TECRL: variants seen among roughly 807,000 people sequenced by gnomAD.
TECRL encodes trans-2,3-enoyl-CoA reductase like.
Under a neutral mutation model 52.8 loss-of-function variants are expected in TECRL, and 63 were observed. The observed-to-expected ratio is 1.19, with a 90% confidence interval of 0.97 to 1.47. The LOEUF (loss-of-function observed/expected upper bound fraction) is 1.47, where lower values mean the gene tolerates loss of function less well. TECRL is among the 40% of genes most tolerant of loss of function. TECRL has a pLI of 0.00. For synonymous variants in TECRL, 164 were observed against 141.9 expected (o/e 1.16, Z -1.10); for missense variants, 482 against 429.6 (o/e 1.12, Z -1.08).
chr4:64,280,946 T>G, intron 11 of TECRL, 95 bp downstream of exon 11: 2 of 775,990 alleles, frequency 2.6e-6, no homozygotes, highest in Non-Finnish European at 4.1e-6. Flanking sequence ...TTTACAATCA[T>G]GCTATACTTT....
chr4:64,302,811 T>G (rs149266548), intron 7 of TECRL, among the ~76,000 whole-genome samples: 1 of 151,432 alleles, frequency 6.6e-6, no homozygotes. Context: ...CTTCCTTAAA[T>G]ATGATTATTT....
chr4:64,388,770 A>C (rs1723350324), intron 1 of TECRL, among the ~76,000 whole-genome samples: 1 of 151,906 alleles, frequency 6.6e-6, no homozygotes, highest in Admixed American at 6.6e-5. Flanking sequence ...TAAGTATTTT[A>C]ATTTTTATTA....
rs1479750964 is a variant in TECRL at position 64,300,020 on chromosome 4, G to A, written c.731-3C>T. The A allele has an allele frequency of 6.4e-7, 1 of 1,569,990 alleles. No homozygotes were observed. The highest frequency in any genetic ancestry group is 8.7e-7 in the Non-Finnish European group (1 of 1,154,468). The stretch of plus-strand genomic sequence containing the variant: ...TGTGATTTGCCTGTTTCCAAATGCT[G>A]GAGAGTAGAAAAAGAATATGTCATG... On this transcript the variant is annotated splice_polypyrimidine_tract_variant and splice_region_variant and intron_variant, in intron 7 of 11. Coordinates refer to ENST00000381210, the MANE Select transcript of TECRL (RefSeq NM_001010874.5).
chr4:64,320,921 T>A (rs777102062), intron 4 of TECRL, among the ~76,000 whole-genome samples: 4 of 152,100 alleles, frequency 2.6e-5, no homozygotes, highest in Non-Finnish European at 5.9e-5. Flanking sequence ...ACTCAATCTT[T>A]AGTGGTACAA....
chr4:64,311,535 G>A (rs1296829330), intron 5 of TECRL, among the ~76,000 whole-genome samples: 1 of 152,080 alleles, frequency 6.6e-6, no homozygotes, highest in Admixed American at 6.6e-5. Context: ...TTATAAAAAA[G>A]CAGCAATGTA....
At chr4:64,378,623 G>A (rs1192551458) in intron 1 of TECRL, among the ~76,000 whole-genome samples, 2 of 152,052 alleles carry the variant, frequency 1.3e-5, no homozygotes, top group Non-Finnish European at 2.9e-5. Context: ...GTAACCTTCA[G>A]ATTGCTCAGA....
chr4:64,358,088 T>C (rs1720903488), intron 2 of TECRL, among the ~76,000 whole-genome samples: 1 of 92,898 alleles, frequency 1.1e-5, no homozygotes, highest in Admixed American at 1.5e-4. Flanking sequence ...GAATATCCAG[T>C]ATTATTGAAA....
At chr4:64,393,039 T>C (rs77372237) in intron 1 of TECRL, among the ~76,000 whole-genome samples, 2,972 of 152,042 alleles carry the variant, frequency 0.02, 97 homozygotes, top group African/African-American at 0.069. Flanking sequence ...GTAGTATCAT[T>C]TGTGCTTGAC....
intron 1 of TECRL, among the ~76,000 whole-genome samples, chr4:64,384,637 TGCATGCAA>T (rs1723048177): frequency 6.6e-6 from 1 of 152,062 alleles, no homozygotes; most frequent in Non-Finnish European, 1.5e-5. Flanking sequence ...CCTTAAATGA[TGCATGCAA>T]GCATTGGTAG....
chr4:64,286,801 T>C (rs1181503030), intron 9 of TECRL, among the ~76,000 whole-genome samples: 1 of 152,136 alleles, frequency 6.6e-6, no homozygotes, highest in Non-Finnish European at 1.5e-5. Flanking sequence ...ATTTCAAAAT[T>C]ACTGGATGAC....
chr4:64,339,862 C>T (rs897934360), intron 2 of TECRL, among the ~76,000 whole-genome samples: 5 of 152,144 alleles, frequency 3.3e-5, no homozygotes, highest in Admixed American at 6.5e-5. Context: ...ACTATTTTCA[C>T]GATCATAAAT....
chr4:64,397,109 CA>C (rs374334638), intron 1 of TECRL, among the ~76,000 whole-genome samples: 396 of 151,388 alleles, frequency 2.6e-3, no homozygotes, highest in African/African-American at 9.2e-3. Flanking sequence ...TATAAAACAA[CA>C]AAAAAAAATT....
chr4:64,354,647 A>C (rs564265754), intron 2 of TECRL, among the ~76,000 whole-genome samples: 66 of 152,338 alleles, frequency 4.3e-4, no homozygotes, highest in African/African-American at 1.5e-3. Context: ...AGAAAGAATA[A>C]GGTTAGATGG....
intron 2 of TECRL, among the ~76,000 whole-genome samples, chr4:64,367,545 C>G (rs1308279320): frequency 2.5e-5 from 1 of 40,584 alleles, no homozygotes; most frequent in East Asian, 1.9e-3. Flanking sequence ...ATTCTCATCA[C>G]TTATATGAAT....
At chr4:64,285,767 G>T (rs774834236) in intron 9 of TECRL, among the ~76,000 whole-genome samples, 2 of 152,212 alleles carry the variant, frequency 1.3e-5, no homozygotes, top group South Asian at 4.1e-4. Flanking sequence ...GAGGCCAGAG[G>T]TTGTCATCTT....
At chr4:64,321,607 T>A (rs1318286497) in intron 4 of TECRL, among the ~76,000 whole-genome samples, 2 of 152,178 alleles carry the variant, frequency 1.3e-5, no homozygotes, top group Non-Finnish European at 2.9e-5. Flanking sequence ...CATATTAACA[T>A]TTCCTCTTGC....
At chr4:64,301,972 T>C (rs76046676) in intron 7 of TECRL, among the ~76,000 whole-genome samples, 4,509 of 151,416 alleles carry the variant, frequency 0.03, 103 homozygotes, top group African/African-American at 0.065. Flanking sequence ...TTATAATCTG[T>C]ATAATGTTTC....
At chr4:64,317,007 T>A (rs1449035146) in intron 4 of TECRL, among the ~76,000 whole-genome samples, 1 of 152,118 alleles carries the variant, frequency 6.6e-6, no homozygotes, top group Non-Finnish European at 1.5e-5. Context: ...GGCCAGGCGC[T>A]GTGGCTCTCG....
intron 10 of TECRL, 83 bp downstream of exon 10, chr4:64,281,391 T>G (rs2109924395): frequency 1.2e-6 from 1 of 814,102 alleles, no homozygotes. Flanking sequence ...ATATATTAAT[T>G]TATAATACAT....
Sources: gnomAD v4.1 joint callset for allele counts (sites outside exome capture counted in the v4.1 genomes callset) on GRCh38, gnomAD v4.1.1 for gene constraint, MANE v1.5 for transcripts, NCBI Gene and HGNC (gene_info 2026-07-23, HGNC 2026-07-21) for gene names.